POLN: variants seen among roughly 807,000 people sequenced by gnomAD.
POLN encodes the protein DNA polymerase N.
A neutral mutation model predicts 113.5 loss-of-function variants in POLN; 108 were observed. That is an observed-to-expected ratio of 0.95 (90% CI 0.81 to 1.12). POLN has a LOEUF of 1.12. Ranked by LOEUF, POLN falls within the 50% of genes most tolerant of loss-of-function variation. The pLI, the probability that POLN is intolerant of heterozygous loss-of-function variation, is 0.00. For synonymous variants in POLN, 386 were observed against 391.5 expected (o/e 0.99, Z 0.17); for missense variants, 1,097 against 1,077.1 (o/e 1.02, Z -0.26).
At chr4:2,133,229 A>C (rs1393129666) in intron 16 of POLN, among the ~76,000 whole-genome samples, 3 of 152,198 alleles carry the variant, frequency 2.0e-5, no homozygotes, top group Non-Finnish European at 4.4e-5. Flanking sequence ...AAAGTAAATT[A>C]GTGCAGCCAC....
intron 19 of POLN, among the ~76,000 whole-genome samples, chr4:2,107,762 C>T (rs1286407736): frequency 1.3e-5 from 2 of 152,220 alleles, no homozygotes; most frequent in African/African-American, 4.8e-5. Context: ...TCCAGACCCA[C>T]TGAGTTTGAA....
rs775180233 is a variant in POLN, at chr4:2,240,911, T to A, written c.-13+609A>T. On this transcript the variant is annotated intron_variant, in intron 2 of 25. Transcript: ENST00000511885. ...TATCAGCTTTGGGATAACCAATTTT[T>A]TTTAATGTTTCCACAAACTCATTTC... is the stretch of plus-strand genomic sequence containing the variant. 3 of 1,598,444 alleles carry A rather than the reference T, an allele frequency of 1.9e-6. No homozygotes were observed. In the South Asian group the frequency reaches 3.4e-5, roughly 18 times the overall value.
chr4:2,141,448 G>T (rs1356529108), intron 16 of POLN, among the ~76,000 whole-genome samples: 2 of 152,114 alleles, frequency 1.3e-5, no homozygotes, highest in African/African-American at 2.4e-5. Context: ...CTGAAGAGAG[G>T]GTCCTGTGTC....
At chr4:2,111,739 G>C (rs1369112364) in intron 19 of POLN, among the ~76,000 whole-genome samples, 2 of 152,172 alleles carry the variant, frequency 1.3e-5, no homozygotes, top group Non-Finnish European at 2.9e-5. Flanking sequence ...TGAAATAAAA[G>C]AGGATACAAA....
At chr4:2,096,029 T>A in intron 19 of POLN, 96 bp from the exon 20 acceptor site, 1 of 1,027,938 alleles carries the variant, frequency 9.7e-7, no homozygotes, top group Non-Finnish European at 1.5e-6. Context: ...GTGCTTCCTC[T>A]GGAAATTCCT....
Position 2,093,455 on chromosome 4 carries a change from A to AT in POLN, c.2065+2395_2065+2396insA. ...CCTATGAGAGCATTTTCCCAGGAGGAGATGGCACAGGGAGGCGGAGGGCCT... is the reference window on the plus strand; with the variant it reads ...CCTATGAGAGCATTTTCCCAGGAGGATGATGGCACAGGGAGGCGGAGGGCCT... On this transcript the variant is annotated intron_variant, in intron 20 of 25. Coordinates refer to ENST00000511885, the MANE Select transcript of POLN (RefSeq NM_181808.4). This position sits in a 1 kb window ranked among gnomAD's most constrained non-coding sequence, Gnocchi z 4.1. Among the ~76,000 whole-genome samples, 1 of 152,178 alleles carries AT rather than the reference A, an allele frequency of 6.6e-6. No individual in the cohort carries two copies. Among genetic ancestry groups the AT allele is most frequent in the Non-Finnish European group, 1.5e-5 (1 of 68,032 alleles).
intron 19 of POLN, among the ~76,000 whole-genome samples, chr4:2,122,057 A>C (rs191560902): frequency 2.6e-5 from 4 of 152,320 alleles, no homozygotes; most frequent in Admixed American, 6.5e-5. Context: ...CAGCCAGAGC[A>C]GCTTTGGGCC....
At chr4:2,217,885 C>T (rs80098615) in intron 3 of POLN, among the ~76,000 whole-genome samples, 38 of 152,336 alleles carry the variant, frequency 2.5e-4, no homozygotes, top group African/African-American at 7.9e-4. Flanking sequence ...GCCTCCACTC[C>T]CTAAACCCAG....
chr4:2,091,761 CTGTGTGTGTGTGTG>C (rs765518897), intron 20 of POLN, among the ~76,000 whole-genome samples: 2 of 145,096 alleles, frequency 1.4e-5, no homozygotes, highest in African/African-American at 5.2e-5. Context: ...ACACGTGAAT[CTGTGTGTGTGTGTG>C]TGTGTGTGTG....
intron 13 of POLN, among the ~76,000 whole-genome samples, chr4:2,162,971 C>T (rs1245116214): frequency 9.4e-6 from 1 of 106,096 alleles, no homozygotes; most frequent in Admixed American, 1.3e-4. Flanking sequence ...TATTTTGGCT[C>T]TTTTTAGTGT....
intron 19 of POLN, among the ~76,000 whole-genome samples, chr4:2,121,685 A>G (rs1731447188): frequency 6.6e-6 from 1 of 151,990 alleles, no homozygotes; most frequent in Admixed American, 6.6e-5. Context: ...ATCTATGGAT[A>G]TATCTCCTAT....
intron 16 of POLN, 36 bp from the exon 17 acceptor site, chr4:2,131,326 T>G: frequency 7.2e-7 from 1 of 1,388,074 alleles, no homozygotes; most frequent in Non-Finnish European, 1.0e-6. Context: ...AGTTAAAATA[T>G]CTACTCTTAA....
intron 23 of POLN, 98 bp from the exon 24 acceptor site, chr4:2,075,617 A>C: frequency 7.6e-7 from 1 of 1,322,864 alleles, no homozygotes; most frequent in Non-Finnish European, 1.1e-6. Context: ...GGAGGCCAGG[A>C]CTGTGAGGCG....
chr4:2,241,672 C>G lies in POLN; in HGVS notation c.-165G>C. On this transcript the variant is annotated 5_prime_UTR_variant, in exon 2 of 26. Coordinates refer to ENST00000511885, the MANE Select transcript of POLN (RefSeq NM_181808.4). ...AGGCAGCCCCGACGCCAGGGCCGCG[C>G]GAACCCCAGAGGCAGCGGCAAGCCC... 2 of 985,474 alleles carry G rather than the reference C, an allele frequency of 2.0e-6. No homozygotes were observed. The highest frequency in any genetic ancestry group is 1.7e-5 in the African/African-American group (1 of 57,370). The allele number at this position is 985,474 out of a possible 1,614,324, so 61.0% of individuals were successfully genotyped here.
chr4:2,186,499 G>A (rs1733276857), intron 7 of POLN, among the ~76,000 whole-genome samples: 1 of 152,154 alleles, frequency 6.6e-6, no homozygotes, highest in Admixed American at 6.5e-5. Context: ...GGGATGGGGA[G>A]CGCTCTGAAG....
chr4:2,120,511 T>G (rs1039499169), intron 19 of POLN, among the ~76,000 whole-genome samples: 5 of 152,134 alleles, frequency 3.3e-5, no homozygotes, highest in African/African-American at 1.2e-4. Context: ...TTTTTTTTTT[T>G]GAGACAGAGT....
In POLN at chr4:2,072,205, G is replaced by C; in HGVS notation, c.2612C>G (p.Thr871Ser). The part of the protein sequence containing the change: ...AWGPPPGPCR[T>S]ESPSNSLAAP... ...AGCCAGGCTGTTGCTGGGAGACTCA[G>C]TGCGACATGGGCCTGGCGGAGGGCC... The change falls in exon 26 of 26, where the codon ACT becomes AGT. Residue 871 changes from threonine (T) to serine (S), a missense_variant. Physicochemically the swap from Thr to Ser is moderately conservative, Grantham distance 58. Transcript: ENST00000511885. 6.2e-7 allele frequency: 1 copy of C among 1,609,658 alleles called. No individual in the cohort carries two copies. The highest frequency in any genetic ancestry group is 8.5e-7 in the Non-Finnish European group (1 of 1,177,628).
chr4:2,222,739 A>G (rs1051199137), intron 3 of POLN, among the ~76,000 whole-genome samples: 2 of 137,594 alleles, frequency 1.5e-5, no homozygotes, highest in Non-Finnish European at 3.0e-5. Context: ...TATTATTCCC[A>G]GCCACAGCCA....
At chr4:2,146,299 A>T (rs1486917721) in intron 16 of POLN, among the ~76,000 whole-genome samples, 1 of 151,832 alleles carries the variant, frequency 6.6e-6, no homozygotes, top group Non-Finnish European at 1.5e-5. Flanking sequence ...TGAGGTCAGG[A>T]GTTCCAGACC....
Sources: gnomAD v4.1 joint callset for allele counts (sites outside exome capture counted in the v4.1 genomes callset) on GRCh38, gnomAD v4.1.1 for gene constraint, Gnocchi (gnomAD v3.1) non-coding constraint, MANE v1.5 for transcripts, NCBI Gene and HGNC (gene_info 2026-07-23, HGNC 2026-07-21) for gene names.